The following JOSD1 variants were observed in gnomAD, a reference collection of about 807,000 sequenced individuals.
The protein encoded by JOSD1 is josephin-1.
JOSD1 carries 11 observed loss-of-function variants against 24.3 expected under a neutral mutation model. That is an observed-to-expected ratio of 0.45 (90% confidence interval 0.29 to 0.75). The LOEUF is 0.75. Among genes scored for constraint, JOSD1 ranks in the 30% least tolerant of loss-of-function variants. The pLI is 0.11. For missense variants in JOSD1, 184 were observed against 253.5 expected (o/e 0.73, Z 1.86); for synonymous variants, 106 against 93.8 (o/e 1.13, Z -0.75).
intron 2 of JOSD1, among the ~76,000 whole-genome samples, chr22:38,691,819 T>C (rs1267020481): frequency 2.6e-5 from 4 of 152,050 alleles, no homozygotes; most frequent in South Asian, 2.1e-4. Context: ...CATCAACCTT[T>C]TGATTTAATT....
chr22:38,699,447 C>T (rs2092558258), intron 2 of JOSD1, among the ~76,000 whole-genome samples: 1 of 152,202 alleles, frequency 6.6e-6, no homozygotes, highest in African/African-American at 2.4e-5. Flanking sequence ...TAGTGGTCAA[C>T]AGCATAGATA....
At chr22:38,692,825 G>C (rs1479001158) in intron 2 of JOSD1, among the ~76,000 whole-genome samples, 1 of 137,392 alleles carries the variant, frequency 7.3e-6, no homozygotes. Context: ...AAAGAGAACA[G>C]AACACATATG....
chr22:38,687,688 A>T lies in JOSD1; in HGVS notation c.*214T>A, dbSNP rs1161529705. On this transcript the variant is annotated 3_prime_UTR_variant, in exon 5 of 5. Coordinates refer to ENST00000683374, the MANE Select transcript of JOSD1 (RefSeq NM_001360236.2). ...ACAAGGGTTTGTGACCACTGGCCTT[A>T]AGTGCACAGAACTCCTACCTTCCTT... is the stretch of plus-strand genomic sequence containing the variant. 2.1e-5 allele frequency: 11 copies of T among 525,794 alleles called. No individual in the cohort carries two copies. The highest frequency in any genetic ancestry group is 3.7e-5 in the Non-Finnish European group (11 of 296,786). 32.6% of individuals were successfully genotyped at this position (525,794 alleles called of 1,614,324 possible).
chr22:38,692,773 C>A, intron 2 of JOSD1, among the ~76,000 whole-genome samples: 1 of 107,874 alleles, frequency 9.3e-6, no homozygotes, highest in Non-Finnish European at 1.8e-5. Context: ...AAGAGCAAAA[C>A]TCTGTCTCAA....
intron 2 of JOSD1, among the ~76,000 whole-genome samples, chr22:38,697,047 C>T (rs1291362989): frequency 1.3e-5 from 2 of 152,254 alleles, no homozygotes; most frequent in Admixed American, 6.5e-5. Context: ...GTTCTAACTT[C>T]ACTTAAATCT....
chr22:38,699,835 G>A lies in JOSD1; in HGVS notation c.153C>T (p.Phe51=). 6.2e-7 allele frequency: 1 copy of A among 1,614,230 alleles called. No individual in the cohort carries two copies. The highest frequency in any genetic ancestry group is 8.5e-7 in the Non-Finnish European group (1 of 1,180,036). Residue 51 remains phenylalanine (F), a synonymous_variant, in exon 2 of 5, where the codon TTC becomes TTT. Transcript: ENST00000683374. ...LNNVFQDSNA[F]TRDTLQEIFQ... ...AAATCTCTTGCAGCGTATCCCGGGTGAAGGCATTGCTGTCCTGGAAGACGT... is the reference window on the plus strand; with the variant it reads ...AAATCTCTTGCAGCGTATCCCGGGTAAAGGCATTGCTGTCCTGGAAGACGT...
At chr22:38,693,241 TA>T (rs1218287549) in intron 2 of JOSD1, among the ~76,000 whole-genome samples, 1 of 152,216 alleles carries the variant, frequency 6.6e-6, no homozygotes, top group Non-Finnish European at 1.5e-5. Context: ...CTTACAGAAC[TA>T]GCTTTCCAAT....
At chr22:38,695,084 G>C (rs901675410) in intron 2 of JOSD1, among the ~76,000 whole-genome samples, 3 of 152,092 alleles carry the variant, frequency 2.0e-5, no homozygotes, top group African/African-American at 7.2e-5. Context: ...GAAGAGATGT[G>C]ACATCAGAAA....
Position 38,690,043 on chromosome 22 carries a change from C to G in JOSD1, c.186-619G>C, listed in dbSNP as rs549805723. 1.1e-4 allele frequency among the ~76,000 whole-genome samples: 16 copies of G among 152,252 alleles called. No homozygotes were observed. In the East Asian group the frequency reaches 2.9e-3, roughly 28 times the overall value. On this transcript the variant is annotated intron_variant, in intron 2 of 4. Coordinates refer to ENST00000683374, the MANE Select transcript of JOSD1 (RefSeq NM_001360236.2). ...AACTCAGCTGCAGCACTGGTTTGCC[C>G]ACCCAGCTTGAAGCCATTTACTTCC...
chr22:38,699,770 A>T (rs1017797680), intron 2 of JOSD1, 33 bp downstream of exon 2: 1 of 1,595,162 alleles, frequency 6.3e-7, no homozygotes. Context: ...CAGAAATATC[A>T]GTATCAAGAT....
At chr22:38,696,159 G>A (rs2092545195) in intron 2 of JOSD1, among the ~76,000 whole-genome samples, 2 of 152,104 alleles carry the variant, frequency 1.3e-5, no homozygotes, top group African/African-American at 4.8e-5. Flanking sequence ...TTTCAGGCCT[G>A]AGCATTTTCA....
At chr22:38,689,157 T>C (rs527262887) in intron 3 of JOSD1, 28 bp from the exon 4 acceptor site, 27 of 1,605,616 alleles carry the variant, frequency 1.7e-5, no homozygotes, top group Non-Finnish European at 2.2e-5. Context: ...TGGCAGGCTC[T>C]GATGCAGCCC....
At position 38,689,444 on chromosome 22, in the gene JOSD1, A is replaced by T; in HGVS notation, c.186-20T>A. ...GACAACCTACCAATGTGAAAAGAGG[A>T]GGGCTGAGACTTGCTGGATGCCTGA... On this transcript the variant is annotated intron_variant, in intron 2 of 4. Transcript: ENST00000683374. 6.2e-7 allele frequency: 1 copy of T among 1,613,832 alleles called. No individual in the cohort carries two copies.
chr22:38,697,652 C>T (rs2092551285), intron 2 of JOSD1, among the ~76,000 whole-genome samples: 1 of 152,228 alleles, frequency 6.6e-6, no homozygotes, highest in South Asian at 2.1e-4. Flanking sequence ...GTTAGCGGGG[C>T]AGGTTCTAGA....
At chr22:38,692,206 A>G (rs931605718) in intron 2 of JOSD1, among the ~76,000 whole-genome samples, 9 of 152,202 alleles carry the variant, frequency 5.9e-5, no homozygotes, top group Non-Finnish European at 1.0e-4. Flanking sequence ...ACCTATGAGG[A>G]TATGAATTAT....
intron 2 of JOSD1, among the ~76,000 whole-genome samples, chr22:38,690,376 G>A (rs2092516580): frequency 6.6e-6 from 1 of 152,018 alleles, no homozygotes; most frequent in Non-Finnish European, 1.5e-5. Context: ...AAATTTTTCT[G>A]TGCACAGCAG....
chr22:38,696,151 T>G (rs2092545175), intron 2 of JOSD1, among the ~76,000 whole-genome samples: 1 of 152,152 alleles, frequency 6.6e-6, no homozygotes, highest in African/African-American at 2.4e-5. Context: ...TGAAAATGTT[T>G]CAGGCCTGAG....
intron 2 of JOSD1, among the ~76,000 whole-genome samples, chr22:38,694,863 C>CAAA (rs55844316): frequency 1.1e-4 from 9 of 80,718 alleles, no homozygotes; most frequent in East Asian, 3.3e-4. Flanking sequence ...GACTCAGTCT[C>CAAA]AAAAAAAAAA....
Position 38,700,638 on chromosome 22 carries a change from T to A in JOSD1, c.-631-20A>T. The A allele has an allele frequency of 1.0e-6, 1 of 984,314 alleles. No homozygotes were observed. The highest frequency in any genetic ancestry group is 1.2e-6 in the Non-Finnish European group (1 of 829,142). 61.0% of individuals were successfully genotyped at this position (984,314 alleles called of 1,614,324 possible). A position where few individuals can be genotyped will look rare whatever the true frequency, so the allele number is the denominator to read the frequency against. ...GCGGCCCTGCGGAGGAGGAGACAAC[T>A]CCGGTCAGCGGCGAGCGGGCGCGGG... On this transcript the variant is annotated intron_variant, in intron 1 of 4. Transcript: ENST00000683374.
Sources: allele counts gnomAD v4.1 joint callset (sites outside exome capture counted in the v4.1 genomes callset), GRCh38; gene constraint gnomAD v4.1.1; transcripts MANE v1.5; gene names NCBI Gene and HGNC (gene_info 2026-07-23, HGNC 2026-07-21).